The following SLC26A7 variants were observed in gnomAD, a reference collection of about 807,000 sequenced individuals.
The protein encoded by SLC26A7 is anion exchange transporter.
In SLC26A7, 59 loss-of-function variants were observed where a neutral mutation model predicts 82.5. The observed-to-expected ratio is 0.72, with a 90% CI of 0.58 to 0.89. SLC26A7 has a LOEUF of 0.89. SLC26A7 is among the 40% of genes least tolerant of loss of function. The probability of loss-of-function intolerance (pLI) is 0.00; values close to 1 mark genes in which losing one functional copy is unlikely to be tolerated. For synonymous variants in SLC26A7, 271 were observed against 274.3 expected (o/e 0.99, Z 0.12); for missense variants, 820 against 793.0 (o/e 1.03, Z -0.41).
chr8:91,353,916 C>T (rs1054814501), intron 11 of SLC26A7, among the ~76,000 whole-genome samples: 10 of 152,090 alleles, frequency 6.6e-5, no homozygotes, highest in African/African-American at 1.9e-4. Flanking sequence ...ACTAAATTAT[C>T]ATGCAAGACA....
intron 2 of SLC26A7, among the ~76,000 whole-genome samples, chr8:91,234,827 A>ACCTACCTACTTCCTTCCTTCCTTCCTTC (rs1386380375): frequency 1.4e-4 from 13 of 92,542 alleles, no homozygotes; most frequent in East Asian, 1.0e-3. Flanking sequence ...CTACCTACCT[A>ACCTACCTACTTCCTTCCTTCCTTCCTTC]CTTCCTTCCT....
At chr8:91,341,648 C>A (rs1224838314) in intron 8 of SLC26A7, among the ~76,000 whole-genome samples, 1 of 152,210 alleles carries the variant, frequency 6.6e-6, no homozygotes, top group Middle Eastern at 3.2e-3. Context: ...GTGAGCAATG[C>A]AGACCATGTC....
intron 2 of SLC26A7, among the ~76,000 whole-genome samples, chr8:91,279,353 A>AT (rs1480633070): frequency 6.6e-6 from 1 of 151,382 alleles, no homozygotes; most frequent in Non-Finnish European, 1.5e-5. Context: ...TCTATGTTTA[A>AT]TTTTTTGGGG....
At chr8:91,341,178 C>T (rs1448395003) in intron 8 of SLC26A7, among the ~76,000 whole-genome samples, 1 of 151,824 alleles carries the variant, frequency 6.6e-6, no homozygotes, top group Admixed American at 6.6e-5. Context: ...TGATATTCCG[C>T]TTCCTGTGTC....
chr8:91,232,340 A>G (rs1282671120), intron 2 of SLC26A7, among the ~76,000 whole-genome samples: 5 of 152,094 alleles, frequency 3.3e-5, no homozygotes. Flanking sequence ...ATATTTAGAG[A>G]AACTCAGAGA....
intron 2 of SLC26A7, among the ~76,000 whole-genome samples, chr8:91,268,646 A>G (rs1412355366): frequency 6.6e-6 from 1 of 151,794 alleles, no homozygotes; most frequent in Admixed American, 6.6e-5. Flanking sequence ...TTTTCATTGA[A>G]TAATTTAATC....
chr8:91,213,203 GTGGC>G (rs1399545283), intron 1 of SLC26A7, among the ~76,000 whole-genome samples: 2 of 152,162 alleles, frequency 1.3e-5, no homozygotes, highest in Admixed American at 1.3e-4. Context: ...GCTTAGCTGG[GTGGC>G]TGGCTGGAAC....
rs1275264906 is a variant in SLC26A7, at chr8:91,306,507, CT to C, written c.477+10811del. On this transcript the variant is annotated intron_variant, in intron 4 of 18. Coordinates refer to ENST00000276609, the MANE Select transcript of SLC26A7 (RefSeq NM_052832.4). ...GAACAGGTGGAGAGGATTTTCTTTT[CT>C]TTTTTTCACTTTTAATAACTTTCAC... Among the ~76,000 whole-genome samples the C allele has an allele frequency of 3.9e-5, 6 of 152,040 alleles. No homozygotes were observed. In the East Asian group the frequency reaches 9.6e-4, roughly 24 times the overall value.
At chr8:91,345,382 C>A (rs1364974047) in intron 9 of SLC26A7, among the ~76,000 whole-genome samples, 1 of 152,150 alleles carries the variant, frequency 6.6e-6, no homozygotes, top group East Asian at 1.9e-4. Context: ...CTGGCTTCAC[C>A]ACTAGTGAAG....
intron 16 of SLC26A7, among the ~76,000 whole-genome samples, chr8:91,389,974 A>C (rs1161674915): frequency 6.6e-6 from 1 of 152,172 alleles, no homozygotes. Flanking sequence ...CCAGGTATGC[A>C]AAAAATAACA....
At chr8:91,247,513 T>A (rs1810561399), upstream of SLC26A7, among the ~76,000 whole-genome samples, 1 of 150,396 alleles carries the variant, frequency 6.6e-6, no homozygotes, top group Non-Finnish European at 1.5e-5. Context: ...CACATGGAAA[T>A]TGAAAAAAAA....
intron 15 of SLC26A7, among the ~76,000 whole-genome samples, chr8:91,384,478 C>T (rs1212677737): frequency 6.6e-6 from 1 of 152,164 alleles, no homozygotes. Flanking sequence ...GTCCCTTTTG[C>T]CATGTAAGCA....
chr8:91,227,593 G>T (rs960428871), intron 2 of SLC26A7, among the ~76,000 whole-genome samples: 2 of 152,076 alleles, frequency 1.3e-5, no homozygotes, highest in Non-Finnish European at 1.5e-5. Flanking sequence ...TTTCACAATG[G>T]TATTAGTTGG....
intron 8 of SLC26A7, among the ~76,000 whole-genome samples, chr8:91,341,860 C>T (rs752326384): frequency 2.0e-5 from 3 of 152,146 alleles, no homozygotes; most frequent in Non-Finnish European, 4.4e-5. Flanking sequence ...TTTGCACTTG[C>T]TGTTCCCCTT....
chr8:91,261,124 A>G (rs1245801808), intron 2 of SLC26A7, among the ~76,000 whole-genome samples: 3 of 152,094 alleles, frequency 2.0e-5, no homozygotes, highest in Non-Finnish European at 4.4e-5. Context: ...TTTTATGTGT[A>G]ATTCTTGGAA....
At chr8:91,303,993 G>A (rs1423748007) in intron 4 of SLC26A7, among the ~76,000 whole-genome samples, 4 of 152,102 alleles carry the variant, frequency 2.6e-5, no homozygotes, top group Non-Finnish European at 5.9e-5. Context: ...GCAAAGCTAA[G>A]AAGTAATAAA....
chr8:91,262,686 G>T (rs1358631916), intron 2 of SLC26A7, among the ~76,000 whole-genome samples: 1 of 152,002 alleles, frequency 6.6e-6, no homozygotes, highest in Non-Finnish European at 1.5e-5. Context: ...TGAATATGGA[G>T]GGTCAAGTGA....
At chr8:91,289,516 A>G (rs1228826805) in intron 3 of SLC26A7, among the ~76,000 whole-genome samples, 1 of 152,132 alleles carries the variant, frequency 6.6e-6, no homozygotes, top group African/African-American at 2.4e-5. Flanking sequence ...GTGGTAGTAC[A>G]CGCCTGTAGT....
chr8:91,309,620 A>C (rs113787515), intron 4 of SLC26A7, among the ~76,000 whole-genome samples: 1 of 152,058 alleles, frequency 6.6e-6, no homozygotes, highest in African/African-American at 2.4e-5. Flanking sequence ...TAATTCAACT[A>C]AGGTGCATAA....
Sources: gnomAD v4.1 joint callset for allele counts (sites outside exome capture counted in the v4.1 genomes callset) on GRCh38, gnomAD v4.1.1 for gene constraint, MANE v1.5 for transcripts, NCBI Gene and HGNC (gene_info 2026-07-23, HGNC 2026-07-21) for gene names.